Variants in CNTFR observed in about 807,000 individuals in gnomAD.
CNTFR encodes the protein ciliary neurotrophic factor receptor subunit alpha.
In CNTFR, 12 loss-of-function variants were observed where a neutral mutation model predicts 40.4. The observed-to-expected ratio is 0.30, with a 90% CI of 0.19 to 0.48. CNTFR has a LOEUF of 0.48. Among genes scored for constraint, CNTFR ranks in the 20% least tolerant of loss-of-function variants. CNTFR has a pLI of 0.99. For missense variants in CNTFR, 414 were observed against 506.8 expected (o/e 0.82, Z 1.76); for synonymous variants, 202 against 209.6 (o/e 0.96, Z 0.31).
chr9:34,568,717 C>G (rs1826426258), intron 3 of CNTFR, among the ~76,000 whole-genome samples, 180 bp downstream of exon 3: 2 of 152,200 alleles, frequency 1.3e-5, no homozygotes, highest in African/African-American at 2.4e-5. Context: ...TTCGACCACC[C>G]TAGTGTGAGT....
intron 7 of CNTFR, among the ~76,000 whole-genome samples, chr9:34,554,801 G>T (rs1825769494): frequency 6.6e-6 from 1 of 152,180 alleles, no homozygotes; most frequent in Admixed American, 6.5e-5. Flanking sequence ...CAAGGTCAAG[G>T]ACTGGGGAGA....
chr9:34,557,803 G>A lies in CNTFR; in HGVS notation c.437+64C>T. The A allele has an allele frequency of 6.5e-7, 1 of 1,544,472 alleles. No individual in the cohort carries two copies. Among genetic ancestry groups the A allele is most frequent in the Non-Finnish European group, 8.9e-7 (1 of 1,127,716 alleles). ...GGCTGGGGTATGGACAGAGGGCATG[G>A]TGGTGGGATGGGGGAGAGGTCAGAG... On this transcript the variant is annotated intron_variant, in intron 5 of 9. Coordinates refer to ENST00000378980, the MANE Select transcript of CNTFR (RefSeq NM_147164.3). This position sits in a 1 kb window ranked among gnomAD's most constrained non-coding sequence, Gnocchi z 4.2.
intron 2 of CNTFR, chr9:34,569,812 C>T (rs1331680082): frequency 6.6e-6 from 1 of 152,206 alleles, no homozygotes; most frequent in Non-Finnish European, 1.5e-5. Flanking sequence ...GAGCCTGGGA[C>T]CCCCAGCCCA....
At position 34,552,047 on chromosome 9, in the gene CNTFR, G is replaced by C; in HGVS notation, c.*24C>G. 3 of 1,349,028 alleles carry C rather than the reference G, an allele frequency of 2.2e-6. No homozygotes were observed. The highest frequency in any genetic ancestry group is 3.2e-6 in the Non-Finnish European group (3 of 947,720). 83.6% of individuals were successfully genotyped at this position (1,349,028 alleles called of 1,614,324 possible). ...CCTCCTGCTCCTCTGCAGGTGCTCTGCATGTCCTCATGGGGTGCCGGGCTC... is the reference window on the plus strand; with the variant it reads ...CCTCCTGCTCCTCTGCAGGTGCTCTCCATGTCCTCATGGGGTGCCGGGCTC... On this transcript the variant is annotated 3_prime_UTR_variant, in exon 10 of 10. Transcript: ENST00000378980. This position sits in a 1 kb window ranked among gnomAD's most constrained non-coding sequence, Gnocchi z 5.1.
chr9:34,588,972 G>A (rs1221636843), intron 1 of CNTFR, among the ~76,000 whole-genome samples: 3 of 152,188 alleles, frequency 2.0e-5, no homozygotes, highest in Non-Finnish European at 2.9e-5. Context: ...CTTACAAAGA[G>A]ACACACTGGA....
chr9:34,579,284 G>A (rs1005670770), intron 2 of CNTFR, among the ~76,000 whole-genome samples: 1 of 151,418 alleles, frequency 6.6e-6, no homozygotes, highest in Non-Finnish European at 1.5e-5. Flanking sequence ...CAATCCGTCC[G>A]CCCGCCGCTC....
Position 34,564,757 on chromosome 9 carries a change from G to A in CNTFR, c.161C>T (p.Ala54Val), listed in dbSNP as rs758772223. 9.9e-6 allele frequency: 16 copies of A among 1,613,986 alleles called. No homozygotes were observed. Among genetic ancestry groups the A allele is most frequent in the Middle Eastern group, 1.6e-4 (1 of 6,084 alleles). ...TGTCCCATTTACCCGCCACGTCACCGCAGCATCCCAGTTTGCTGTCCCACA... is the reference window on the plus strand; with the variant it reads ...TGTCCCATTTACCCGCCACGTCACCACAGCATCCCAGTTTGCTGTCCCACA... ...LPCGTANWDA[A>V]VTWRVNGTDL... The change falls in exon 4 of 10, where the codon GCG becomes GTG. Residue 54 changes from alanine to valine, a missense_variant. Ala to Val is a moderately conservative substitution (Grantham distance 64). Transcript: ENST00000378980.
intron 1 of CNTFR, chr9:34,582,297 A>AAAAAAAAAAAAAAAAAAAC: frequency 7.0e-6 from 1 of 142,608 alleles, no homozygotes; most frequent in Non-Finnish European, 1.5e-5. Flanking sequence ...AAAAAAAAAA[A>AAAAAAAAAAAAAAAAAAAC]CACAAGCTTT....
At chr9:34,554,134 G>A (rs977341138) in intron 7 of CNTFR, among the ~76,000 whole-genome samples, 6 of 152,138 alleles carry the variant, frequency 3.9e-5, no homozygotes, top group Non-Finnish European at 7.4e-5. Flanking sequence ...CCTAATCTCA[G>A]CCCTGGAAGA....
chr9:34,558,083 C>T, intron 4 of CNTFR, 99 bp from the exon 5 acceptor site: 1 of 840,118 alleles, frequency 1.2e-6, no homozygotes, highest in East Asian at 2.8e-5. Context: ...TCTCCCCCCT[C>T]AACCCATCAT....
intron 2 of CNTFR, chr9:34,571,256 G>A (rs1483867427): frequency 6.6e-6 from 1 of 152,348 alleles, no homozygotes; most frequent in African/African-American, 2.4e-5. Context: ...GCAGCCAGAG[G>A]CCTACCTGGT....
At position 34,568,992 on chromosome 9, in the gene CNTFR, A is replaced by G; in HGVS notation, c.1-11T>C. 6.3e-7 allele frequency: 1 copy of G among 1,582,476 alleles called. No homozygotes were observed. The highest frequency in any genetic ancestry group is 8.6e-7 in the Non-Finnish European group (1 of 1,164,442). ...GACAGGAGCAGCCATCTGTTGGGAG[A>G]AACCGGGGTGGGGGAGGGGTCAGCA... On this transcript the variant is annotated splice_polypyrimidine_tract_variant and intron_variant, in intron 2 of 9. Transcript: ENST00000378980.
intron 1 of CNTFR, among the ~76,000 whole-genome samples, chr9:34,581,602 T>C (rs1827287905): frequency 6.6e-6 from 1 of 152,220 alleles, no homozygotes; most frequent in African/African-American, 2.4e-5. Context: ...CCCCCTTCCT[T>C]ATCACCACTA....
chr9:34,589,137 C>A lies in CNTFR; in HGVS notation c.-112+418G>T, dbSNP rs753044793. Among the ~76,000 whole-genome samples, 3 of 152,108 alleles carry A rather than the reference C, an allele frequency of 2.0e-5. No individual in the cohort carries two copies. The highest frequency in any genetic ancestry group is 4.4e-5 in the Non-Finnish European group (3 of 68,022). On this transcript the variant is annotated intron_variant, in intron 1 of 9. Coordinates refer to ENST00000378980, the MANE Select transcript of CNTFR (RefSeq NM_147164.3). This position sits in a 1 kb window ranked among gnomAD's most constrained non-coding sequence, Gnocchi z 4.4. The stretch of plus-strand genomic sequence containing the variant: ...CAGACGCGCAACCGTCGGTTCGCAT[C>A]CCCGGGCGCTTTGAAGTCCAGATTT...
At chr9:34,569,264 CA>C (rs1826466048) in intron 2 of CNTFR, among the ~76,000 whole-genome samples, 1 of 152,204 alleles carries the variant, frequency 6.6e-6, no homozygotes, top group Admixed American at 6.5e-5. Flanking sequence ...CAGAAAGCAA[CA>C]TTATTGGCAT....
chr9:34,586,253 C>A lies in CNTFR; in HGVS notation c.-112+3302G>T, dbSNP rs144705912. On this transcript the variant is annotated intron_variant, in intron 1 of 9. Coordinates refer to ENST00000378980, the MANE Select transcript of CNTFR (RefSeq NM_147164.3). ...GGGGAACAGAGTGGGGAAGCCTAGG[C>A]ATGCCCTGGAGCCAGGATAAGGGCT... Among the ~76,000 whole-genome samples, 3 of 152,310 alleles carry A rather than the reference C, an allele frequency of 2.0e-5. No homozygotes were observed. In the East Asian group the frequency reaches 5.8e-4, roughly 29 times the overall value.
chr9:34,556,505 T>C, intron 6 of CNTFR, 87 bp from the exon 7 acceptor site: 9 of 1,330,800 alleles, frequency 6.8e-6, no homozygotes, highest in Non-Finnish European at 9.3e-6. Context: ...GACCCTCTCA[T>C]ATTGCCAACC....
Position 34,552,664 on chromosome 9 carries a change from GCAA to G in CNTFR, c.949+7_949+9del. On this transcript the variant is annotated splice_region_variant and intron_variant, in intron 8 of 9. Coordinates refer to ENST00000378980, the MANE Select transcript of CNTFR (RefSeq NM_147164.3). The surrounding 1 kb of genome is among the most constrained non-coding windows in gnomAD (Gnocchi z 5.1). ...GCAAAGCCAGGAGGTAGGGGCGGGA[GCAA>G]GCTCACCCGCAGCCTGGGCCTCCGT... 6.2e-7 allele frequency: 1 copy of G among 1,611,624 alleles called. No homozygotes were observed. The highest frequency in any genetic ancestry group is 1.1e-5 in the South Asian group (1 of 90,966).
chr9:34,581,566 C>A (rs564829395), intron 1 of CNTFR, among the ~76,000 whole-genome samples: 1 of 152,220 alleles, frequency 6.6e-6, no homozygotes, highest in African/African-American at 2.4e-5. Flanking sequence ...GTCACAGGCA[C>A]GGTGTAAATA....
Sources: allele counts gnomAD v4.1 joint callset (sites outside exome capture counted in the v4.1 genomes callset), GRCh38; gene constraint gnomAD v4.1.1; non-coding constraint Gnocchi (gnomAD v3.1); transcripts MANE v1.5; gene names NCBI Gene and HGNC (gene_info 2026-07-23, HGNC 2026-07-21).